The following SPTBN5 variants were observed in gnomAD, a reference collection of about 807,000 sequenced individuals.
The protein encoded by SPTBN5 is spectrin beta chain, non-erythrocytic 5.
SPTBN5 carries 513 observed loss-of-function variants against 477.6 expected under a neutral mutation model. That is an observed-to-expected ratio of 1.07 (90% CI 1.00 to 1.16). The LOEUF (loss-of-function observed/expected upper bound fraction) is 1.16, where lower values mean the gene tolerates loss of function less well. Ranked by LOEUF, SPTBN5 falls within the 50% of genes most tolerant of loss-of-function variation. The probability of loss-of-function intolerance (pLI) is 0.00; values close to 1 mark genes in which losing one functional copy is unlikely to be tolerated. For synonymous variants in SPTBN5, 2,169 were observed against 2,011.7 expected (o/e 1.08, Z -2.09); for missense variants, 5,062 against 4,731.8 (o/e 1.07, Z -2.05).
At chr15:41,870,386 A>T in intron 30 of SPTBN5, 33 bp from the exon 31 acceptor site, 1 of 1,602,006 alleles carries the variant, frequency 6.2e-7, no homozygotes, top group Non-Finnish European at 8.5e-7. Flanking sequence ...GAGATGAGGG[A>T]TGGAGCGTGG....
Position 41,867,056 on chromosome 15 carries a change from A to G in SPTBN5, c.6383T>C (p.Leu2128Pro), listed in dbSNP as rs1178429942. 1 of 1,551,252 alleles carries G rather than the reference A, an allele frequency of 6.4e-7. No homozygotes were observed. The highest frequency in any genetic ancestry group is 2.4e-5 in the East Asian group (1 of 41,124). The change falls in exon 36 of 68, where the codon CTG becomes CCG. Residue 2128 changes from leucine (L) to proline (P), a missense_variant. Physicochemically the swap from Leu to Pro is moderately conservative, Grantham distance 98. Coordinates refer to ENST00000320955, the MANE Select transcript of SPTBN5 (RefSeq NM_016642.4). Reference protein sequence around the residue: ...PRVRDRLPILLQRRMRVKELA... With the variant: ...PRVRDRLPILPQRRMRVKELA... ...CTCCTTCACTCTCATCCGGCGCTGC[A>G]GCAGGATGGGAAGCCGGTCCCGCAC... is the stretch of plus-strand genomic sequence containing the variant.
At position 41,875,513 on chromosome 15, in the gene SPTBN5, C is replaced by T. The variant is rs181128984; in HGVS notation, c.4232G>A (p.Arg1411His). 2.4e-4 allele frequency: 384 copies of T among 1,612,558 alleles called. No homozygotes were observed. The highest frequency in any genetic ancestry group is 3.0e-4 in the Non-Finnish European group (357 of 1,179,466). ...WEALNRKMTE[R>H]GDELQQAGQQ... Reference sequence around the variant, plus strand: ...TCCAGCCTGCTGGAGCTCGTCCCCACGCTCAGTCATCTTGCGGTTCAAAGC... The same window carrying T: ...TCCAGCCTGCTGGAGCTCGTCCCCATGCTCAGTCATCTTGCGGTTCAAAGC... The change falls in exon 22 of 68, where the codon CGT becomes CAT. Residue 1411 changes from arginine to histidine, a missense_variant. Transcript: ENST00000320955.
chr15:41,853,685 G>T lies in SPTBN5; in HGVS notation c.9877C>A (p.Gln3293Lys). 1 of 1,602,994 alleles carries T rather than the reference G, an allele frequency of 6.2e-7. No homozygotes were observed. The highest frequency in any genetic ancestry group is 2.2e-5 in the East Asian group (1 of 44,676). Reference sequence around the variant, plus strand: ...GCCTGCAGGGTGGCCCAGGCCTCCTGCACCTTGGCCAGGCCCCCCGGAGCT... The same window carrying T: ...GCCTGCAGGGTGGCCCAGGCCTCCTTCACCTTGGCCAGGCCCCCCGGAGCT... ...PAAPGGLAKV[Q>K]EAWATLQAKA... Residue 3293 changes from glutamine to lysine, a missense_variant, in exon 58 of 68, where the codon CAG (glutamine) becomes AAG (lysine). Gln to Lys is a moderately conservative substitution (Grantham distance 53). Transcript: ENST00000320955.
intron 19 of SPTBN5, 70 bp downstream of exon 19, chr15:41,876,739 C>T: frequency 6.2e-7 from 1 of 1,606,722 alleles, no homozygotes; most frequent in Non-Finnish European, 8.5e-7. Context: ...CTCTCCCAGC[C>T]CTAGGGCGGC....
intron 56 of SPTBN5, 102 bp downstream of exon 56, chr15:41,854,680 G>T (rs1377908201): frequency 3.0e-6 from 3 of 1,009,908 alleles, no homozygotes; most frequent in East Asian, 2.7e-5. Context: ...GGCCAGCAGG[G>T]TGTGTGTCTT....
chr15:41,848,406 G>T lies in SPTBN5; in HGVS notation c.*210C>A. The T allele has an allele frequency of 1.6e-6, 1 of 636,788 alleles. No individual in the cohort carries two copies. The highest frequency in any genetic ancestry group is 1.8e-5 in the South Asian group (1 of 54,384). The allele number at this position is 636,788 out of a possible 1,614,324, so 39.4% of individuals were successfully genotyped here. A position where few individuals can be genotyped will look rare whatever the true frequency, so the allele number is the denominator to read the frequency against. ...GTCTCCTCTTCACCCAGACAGGAAT[G>T]CAGGGGGAGGCCAGGCAATGGCTGT... On this transcript the variant is annotated 3_prime_UTR_variant, in exon 68 of 68. Transcript: ENST00000320955.
intron 49 of SPTBN5, 148 bp downstream of exon 49, chr15:41,858,454 C>T: frequency 9.3e-7 from 1 of 1,069,986 alleles, no homozygotes. Context: ...ACACTTCTGC[C>T]TAAACAACCG....
At chr15:41,891,758 A>G (rs768043412) in intron 3 of SPTBN5, among the ~76,000 whole-genome samples, 5 of 152,142 alleles carry the variant, frequency 3.3e-5, no homozygotes, top group Non-Finnish European at 5.9e-5. Context: ...GCATGGGAGC[A>G]TCTCCATAAG....
At chr15:41,848,699 G>A in intron 67 of SPTBN5, 71 bp from the exon 68 acceptor site, 2 of 1,569,022 alleles carry the variant, frequency 1.3e-6, no homozygotes, top group Non-Finnish European at 1.8e-6. Flanking sequence ...AACACACACT[G>A]GTGCCCCTGC....
chr15:41,860,735 G>C lies in SPTBN5; in HGVS notation c.7839C>G (p.Pro2613=). Residue 2613 remains proline (P), a synonymous_variant, in exon 47 of 68, where the codon CCC becomes CCG. Transcript: ENST00000320955. ...GLWDPLAPME[P]LLWKHKMLEW... The stretch of plus-strand genomic sequence containing the variant: ...CCAGCATCTTGTGCTTCCACAGAAG[G>C]GGCTCCATGGGGGCCAAGGGGTCCT... The C allele has an allele frequency of 6.3e-7, 1 of 1,596,228 alleles. No individual in the cohort carries two copies. The highest frequency in any genetic ancestry group is 8.5e-7 in the Non-Finnish European group (1 of 1,172,182).
chr15:41,859,375 T>G (rs1373814916), intron 47 of SPTBN5, among the ~76,000 whole-genome samples: 2 of 152,106 alleles, frequency 1.3e-5, no homozygotes, highest in Non-Finnish European at 2.9e-5. Context: ...GCCAGACTGG[T>G]CTTGAACTCC....
rs538916619 is a variant in SPTBN5 at position 41,856,844 on chromosome 15, G to A, written c.8808+9C>T. 2.1e-5 allele frequency: 32 copies of A among 1,538,614 alleles called. No individual in the cohort carries two copies. In the East Asian group the frequency reaches 7.6e-4, roughly 37 times the overall value. On this transcript the variant is annotated intron_variant, in intron 52 of 67. Coordinates refer to ENST00000320955, the MANE Select transcript of SPTBN5 (RefSeq NM_016642.4). ...GTGCGAGGCCAGCCCTCCCCGGGTGGGCCCACACCTGGTGCTGCTCCTGCA... is the reference window on the plus strand; with the variant it reads ...GTGCGAGGCCAGCCCTCCCCGGGTGAGCCCACACCTGGTGCTGCTCCTGCA...
intron 63 of SPTBN5, 113 bp from the exon 64 acceptor site, chr15:41,851,482 C>T: frequency 1.3e-6 from 1 of 777,088 alleles, no homozygotes; most frequent in South Asian, 1.8e-5. Context: ...GTGGATTGGA[C>T]CAAAGTCCCA....
Position 41,877,248 on chromosome 15 carries a change from C to T in SPTBN5, c.3579G>A (p.Leu1193=). 6.2e-7 allele frequency: 1 copy of T among 1,614,036 alleles called. No homozygotes were observed. The highest frequency in any genetic ancestry group is 8.5e-7 in the Non-Finnish European group (1 of 1,179,904). ...GCTGCCTCTGCTCCCACAAAACCTT[C>T]AGCTCCTGGCCCTGCTGCCCCAGGA... The part of the protein sequence containing the change: ...LRVLGQQGQE[L]KVLWEQRQQW... Residue 1193 remains leucine (L), a synonymous_variant, in exon 18 of 68, where the codon CTG becomes CTA. Transcript: ENST00000320955.
intron 52 of SPTBN5, 90 bp downstream of exon 52, chr15:41,856,763 A>T: frequency 1.4e-6 from 2 of 1,399,524 alleles, no homozygotes; most frequent in Non-Finnish European, 1.9e-6. Context: ...ACAGGCAGAG[A>T]GTTCCTGGCT....
chr15:41,875,652 T>C lies in SPTBN5; in HGVS notation c.4123-30A>G, dbSNP rs1441301712. 1.9e-6 allele frequency: 3 copies of C among 1,547,104 alleles called. No individual in the cohort carries two copies. In the Admixed American group the frequency reaches 5.9e-5, roughly 30 times the overall value. On this transcript the variant is annotated intron_variant, in intron 21 of 67. Coordinates refer to ENST00000320955, the MANE Select transcript of SPTBN5 (RefSeq NM_016642.4). ...AGTGGAGATAAAGGCCCAGGGAGTT[T>C]GGCTGAGCTGCTGGTACCACCAGTG... is the stretch of plus-strand genomic sequence containing the variant.
At position 41,866,142 on chromosome 15, in the gene SPTBN5, G is replaced by T. The variant is rs2066301384; in HGVS notation, c.6718C>A (p.Leu2240Met). 6.4e-7 allele frequency: 1 copy of T among 1,561,276 alleles called. No individual in the cohort carries two copies. The highest frequency in any genetic ancestry group is 8.7e-7 in the Non-Finnish European group (1 of 1,153,824). Residue 2240 changes from leucine to methionine, a missense_variant, in exon 38 of 68, where the codon CTG becomes ATG. By Grantham distance (15) the Leu-to-Met change is conservative. Transcript: ENST00000320955. ...CCCCTGAGGGCCATTGCCTGCCTCA[G>T]GTCCTCCCAGTGCTTCCGCAGGCCC... Reference protein sequence around the residue: ...LQGLRKHWEDLRQAMALRGQE... With the variant: ...LQGLRKHWEDMRQAMALRGQE...
At position 41,868,557 on chromosome 15, in the gene SPTBN5, C is replaced by G. The variant is rs767859782; in HGVS notation, c.5898G>C (p.Leu1966=). The G allele has an allele frequency of 4.4e-6, 7 of 1,603,592 alleles. No individual in the cohort carries two copies. Among genetic ancestry groups the G allele is most frequent in the Middle Eastern group, 1.6e-4 (1 of 6,082 alleles). Residue 1966 remains leucine (L), a synonymous_variant, in exon 33 of 68, where the codon CTG becomes CTC. Coordinates refer to ENST00000320955, the MANE Select transcript of SPTBN5 (RefSeq NM_016642.4). ...GCTCTTGCGAACTCTCCTCCACCTGCAGGTCCTGGCGCACGCGGGCTGCCC... is the reference window on the plus strand; with the variant it reads ...GCTCTTGCGAACTCTCCTCCACCTGGAGGTCCTGGCGCACGCGGGCTGCCC... ...ASWAARVRQD[L]QVEESSQEPS...
chr15:41,876,922 C>T lies in SPTBN5; in HGVS notation c.3738G>A (p.Leu1246=). Residue 1246 remains leucine, a synonymous_variant, in exon 19 of 68, where the codon CTG becomes CTA. Transcript: ENST00000320955. ...GCCCAAACTCCCGGTGCTGCTGCAG[C>T]AGGCTCAGGGCCTCCCTCACGTCCT... ...LGEDVREALS[L]LQQHREFGRL... 2 of 1,609,690 alleles carry T rather than the reference C, an allele frequency of 1.2e-6. No individual in the cohort carries two copies. Among genetic ancestry groups the T allele is most frequent in the East Asian group, 2.2e-5 (1 of 44,846 alleles).
Sources: gnomAD v4.1 joint callset for allele counts (sites outside exome capture counted in the v4.1 genomes callset) on GRCh38, gnomAD v4.1.1 for gene constraint, MANE v1.5 for transcripts, NCBI Gene and HGNC (gene_info 2026-07-23, HGNC 2026-07-21) for gene names.